GRK4: variants seen among roughly 807,000 people sequenced by gnomAD.
GRK4 encodes the protein G protein-coupled receptor kinase 4.
GRK4 carries 73 observed loss-of-function variants against 77.9 expected under a neutral mutation model. The ratio of observed to expected loss-of-function variants is 0.94; its 90% CI spans 0.78 to 1.14. The LOEUF is 1.14. Among genes scored for constraint, GRK4 ranks in the 50% most tolerant of loss-of-function variants. The probability of loss-of-function intolerance (pLI) is 0.00; values close to 1 mark genes in which losing one functional copy is unlikely to be tolerated. For synonymous variants in GRK4, 257 were observed against 254.4 expected, an observed-to-expected ratio of 1.01 and a Z score of -0.10; for missense variants, 729 against 700.2, an observed-to-expected ratio of 1.04 and a Z score of -0.46.
chr4:3,037,403 G>A lies in GRK4; in HGVS notation c.1437G>A (p.Leu479=), dbSNP rs137993860. 12 of 1,608,260 alleles carry A rather than the reference G, an allele frequency of 7.5e-6. No homozygotes were observed. The Admixed American group carries it at 1.7e-4, about 22-fold the overall frequency. The change falls in exon 14 of 16, where the codon CTG becomes CTA. Residue 479 remains leucine, a synonymous_variant. Coordinates refer to ENST00000398052, the MANE Select transcript of GRK4 (RefSeq NM_182982.3). ...ATGCCGTTTACTGTAAGGACGTCCT[G>A]GATATCGAGCAGTTCTCGGTGGTGA... ...DPHAVYCKDV[L]DIEQFSVVKG... is the part of the protein sequence containing the mutation.
At chr4:2,980,682 C>T (rs1018700415) in intron 1 of GRK4, among the ~76,000 whole-genome samples, 4 of 152,106 alleles carry the variant, frequency 2.6e-5, no homozygotes, top group Non-Finnish European at 4.4e-5. Flanking sequence ...GCCACCCTAC[C>T]CCACCGTCAG....
intron 1 of GRK4, among the ~76,000 whole-genome samples, chr4:2,976,979 G>A (rs1419248890): frequency 6.6e-6 from 1 of 152,194 alleles, no homozygotes; most frequent in Non-Finnish European, 1.5e-5. Context: ...CAGATTAGTT[G>A]GGGGCTGTCT....
intron 5 of GRK4, among the ~76,000 whole-genome samples, chr4:3,005,158 A>G (rs1489443665): frequency 6.6e-6 from 1 of 151,946 alleles, no homozygotes; most frequent in African/African-American, 2.4e-5. Flanking sequence ...TTCTTTACAT[A>G]TGCGGGATGA....
intron 2 of GRK4, among the ~76,000 whole-genome samples, chr4:2,985,229 T>C (rs1241979356): frequency 6.6e-6 from 1 of 150,818 alleles, no homozygotes; most frequent in Non-Finnish European, 1.5e-5. Flanking sequence ...TGAAACCCCG[T>C]CTCTACTAAA....
intron 1 of GRK4, among the ~76,000 whole-genome samples, chr4:2,983,999 G>A (rs781055051): frequency 4.4e-4 from 67 of 152,024 alleles, no homozygotes; most frequent in Admixed American, 2.0e-3. Context: ...TGGGGAATCC[G>A]TCCCCACGAT....
intron 8 of GRK4, among the ~76,000 whole-genome samples, chr4:3,016,998 C>G (rs903716648): frequency 1.3e-5 from 2 of 152,244 alleles, no homozygotes; most frequent in Admixed American, 6.5e-5. Context: ...CTGCTGCGCC[C>G]TGACCCATGG....
chr4:3,006,117 C>T (rs1284814864), intron 5 of GRK4, among the ~76,000 whole-genome samples: 3 of 151,934 alleles, frequency 2.0e-5, no homozygotes, highest in Non-Finnish European at 2.9e-5. Context: ...TGGTGGCTCA[C>T]GCCTGTAATC....
At chr4:3,026,768 T>C (rs77882654) in intron 10 of GRK4, among the ~76,000 whole-genome samples, 4,780 of 152,340 alleles carry the variant, frequency 0.031, 96 homozygotes, top group African/African-American at 0.044. Context: ...ATCACGTGCA[T>C]GCATCTGAGT....
At position 3,037,452 on chromosome 4, in the gene GRK4, GA is replaced by G; in HGVS notation, c.1487del (p.Asp496ValfsTer21). 6.2e-7 allele frequency: 1 copy of G among 1,612,370 alleles called. No homozygotes were observed. Among genetic ancestry groups the G allele is most frequent in the Non-Finnish European group, 8.5e-7 (1 of 1,178,556 alleles). ...VVKGIYLDTA[D>X]EDFYARFATG... is the part of the protein sequence containing the mutation. ...GAAAGGGATCTACCTGGACACCGCAGATGAAGACTTCTATGCTCGGTTTGCT... is the reference window on the plus strand; with the variant it reads ...GAAAGGGATCTACCTGGACACCGCAGTGAAGACTTCTATGCTCGGTTTGCT... On this transcript the variant is annotated frameshift_variant, in exon 14 of 16. Coordinates refer to ENST00000398052, the MANE Select transcript of GRK4 (RefSeq NM_182982.3). LOFTEE classifies it high-confidence loss of function.
At chr4:3,000,544 T>TTTTTCTTTTCTTTTCTTTTC (rs755931695) in intron 4 of GRK4, among the ~76,000 whole-genome samples, 3 of 130,380 alleles carry the variant, frequency 2.3e-5, no homozygotes, top group African/African-American at 9.6e-5. Flanking sequence ...TTTTCTTTCT[T>TTTTTCTTTTCTTTTCTTTTC]TTTTCTTTTC....
chr4:3,037,247 A>G, intron 13 of GRK4, 127 bp from the exon 14 acceptor site: 1 of 937,512 alleles, frequency 1.1e-6, no homozygotes, highest in Non-Finnish European at 1.6e-6. Context: ...GGGCCTGGCA[A>G]AAGAATGGAG....
chr4:3,025,566 T>A (rs1456137303), intron 10 of GRK4, among the ~76,000 whole-genome samples: 1 of 150,692 alleles, frequency 6.6e-6, no homozygotes, highest in African/African-American at 2.4e-5. Context: ...ATTTTTTATA[T>A]TTTTTTTAGT....
chr4:3,006,337 G>A (rs1320827132), intron 5 of GRK4, among the ~76,000 whole-genome samples: 3 of 148,614 alleles, frequency 2.0e-5, no homozygotes, highest in South Asian at 2.1e-4. Flanking sequence ...CCAAGATCAC[G>A]CCATTGCACT....
At chr4:3,039,262 A>G (rs1741723260) in intron 15 of GRK4, among the ~76,000 whole-genome samples, 1 of 152,196 alleles carries the variant, frequency 6.6e-6, no homozygotes, top group Admixed American at 6.5e-5. Context: ...ACTTTCTGTA[A>G]TAGCATTAAA....
chr4:3,018,226 C>T (rs1022287381), intron 8 of GRK4, among the ~76,000 whole-genome samples: 7 of 151,852 alleles, frequency 4.6e-5, no homozygotes, highest in East Asian at 3.9e-4. Context: ...TCATTATTTT[C>T]GAACAACATC....
chr4:3,013,919 C>T (rs1733665419), intron 8 of GRK4, 91 bp downstream of exon 8: 4 of 1,337,574 alleles, frequency 3.0e-6, no homozygotes, highest in South Asian at 3.4e-5. Flanking sequence ...CTCACTGAAG[C>T]CGTGGAAGTC....
At chr4:2,977,405 G>A (rs80127936) in intron 1 of GRK4, among the ~76,000 whole-genome samples, 2,385 of 152,246 alleles carry the variant, frequency 0.016, 55 homozygotes, top group African/African-American at 0.055. Context: ...CGGCTGCTAC[G>A]CCTACTGCTA....
intron 2 of GRK4, among the ~76,000 whole-genome samples, chr4:2,987,802 G>T (rs1032698095): frequency 3.9e-5 from 6 of 151,974 alleles, no homozygotes; most frequent in African/African-American, 1.5e-4. Flanking sequence ...TGGGCCAGGC[G>T]CCATGACTCA....
intron 5 of GRK4, among the ~76,000 whole-genome samples, chr4:3,005,433 G>A (rs926074424): frequency 1.2e-4 from 19 of 152,156 alleles, no homozygotes; most frequent in African/African-American, 4.1e-4. Flanking sequence ...AGGGAGTGGC[G>A]CACCTGAGCC....
Sources: gnomAD v4.1 joint callset for allele counts (sites outside exome capture counted in the v4.1 genomes callset) on GRCh38, gnomAD v4.1.1 for gene constraint, MANE v1.5 for transcripts, NCBI Gene and HGNC (gene_info 2026-07-23, HGNC 2026-07-21) for gene names.